Variants in LIN37 observed in about 807,000 individuals in gnomAD.
LIN37 encodes the protein lin-37 DREAM MuvB core complex component, also known as protein lin-37 homolog.
Under a neutral mutation model 38.0 loss-of-function variants are expected in LIN37, and 21 were observed. That is an observed-to-expected ratio of 0.55 (90% CI 0.39 to 0.80). LIN37 has a LOEUF of 0.80. Among genes scored for constraint, LIN37 ranks in the 30% least tolerant of loss-of-function variants. The probability of loss-of-function intolerance (pLI) is 0.00; values close to 1 mark genes in which losing one functional copy is unlikely to be tolerated. For missense variants in LIN37, 273 were observed against 338.5 expected, an observed-to-expected ratio of 0.81 and a Z score of 1.52; for synonymous variants, 126 against 122.9, an observed-to-expected ratio of 1.03 and a Z score of -0.17.
intron 6 of LIN37, 130 bp downstream of exon 6, chr19:35,753,383 C>A: frequency 8.9e-7 from 1 of 1,120,040 alleles, no homozygotes; most frequent in Non-Finnish European, 1.3e-6. Flanking sequence ...CTGGATCAGG[C>A]TAGGCACACA....
intron 3 of LIN37, 21 bp downstream of exon 3, chr19:35,752,505 T>A (rs568349364): frequency 1.2e-6 from 2 of 1,613,552 alleles, no homozygotes; most frequent in Admixed American, 3.3e-5. Flanking sequence ...CTGATTGGAT[T>A]TGGAGTTGAG....
At chr19:35,751,569 T>C (rs892342205) in intron 1 of LIN37, among the ~76,000 whole-genome samples, 37 of 151,982 alleles carry the variant, frequency 2.4e-4, no homozygotes, top group African/African-American at 8.4e-4. Context: ...CTCTATGGCA[T>C]GTGCCTATAG....
intron 1 of LIN37, among the ~76,000 whole-genome samples, chr19:35,749,443 A>G (rs577172218): frequency 7.2e-5 from 11 of 152,164 alleles, no homozygotes; most frequent in Non-Finnish European, 1.6e-4. Context: ...TGCAGAATTT[A>G]GACAGAAAGA....
At position 35,752,645 on chromosome 19, in the gene LIN37, G is replaced by T. The variant is rs1970694126; in HGVS notation, c.162-159G>T. The T allele has an allele frequency of 3.2e-6, 4 of 1,267,894 alleles. No homozygotes were observed. The South Asian group carries it at 5.2e-5, about 17-fold the overall frequency. 78.5% of individuals were successfully genotyped at this position (1,267,894 alleles called of 1,614,324 possible). A position where few individuals can be genotyped will look rare whatever the true frequency, so the allele number is the denominator to read the frequency against. ...CAGGAGAAGCTTAGGTCCCCCCGTGGTTGCCACCTAGACCCCCATGGGTAT... is the reference window on the plus strand; with the variant it reads ...CAGGAGAAGCTTAGGTCCCCCCGTGTTTGCCACCTAGACCCCCATGGGTAT... On this transcript the variant is annotated intron_variant, in intron 3 of 8. Transcript: ENST00000301159.
intron 1 of LIN37, chr19:35,749,017 C>G: frequency 7.8e-7 from 1 of 1,285,026 alleles, no homozygotes; most frequent in Non-Finnish European, 9.9e-7. Flanking sequence ...GCCGGTAACT[C>G]TGAGAAGGGC....
At chr19:35,749,515 T>A (rs1970651599) in intron 1 of LIN37, among the ~76,000 whole-genome samples, 1 of 151,442 alleles carries the variant, frequency 6.6e-6, no homozygotes, top group East Asian at 1.9e-4. Context: ...AGTGGGAGGC[T>A]GGGTGCGGTG....
rs765329144 is a variant in LIN37 at position 35,753,168 on chromosome 19, G to A, written c.359G>A (p.Arg120His). Residue 120 changes from arginine (R) to histidine (H), a missense_variant, in exon 6 of 9, where the codon CGC becomes CAC. Transcript: ENST00000301159. ...AACACGCCACTGTACCCAATCTGCC[G>A]CGCCTGGATGCGCAACAGCCCCTCT... is the stretch of plus-strand genomic sequence containing the variant. ...SENTPLYPIC[R>H]AWMRNSPSVR... 18 of 1,587,526 alleles carry A rather than the reference G, an allele frequency of 1.1e-5. No individual in the cohort carries two copies. Among genetic ancestry groups the A allele is most frequent in the Non-Finnish European group, 1.4e-5 (16 of 1,167,414 alleles).
At chr19:35,749,664 G>T (rs1184737389) in intron 1 of LIN37, among the ~76,000 whole-genome samples, 3 of 151,448 alleles carry the variant, frequency 2.0e-5, no homozygotes, top group Non-Finnish European at 2.9e-5. Flanking sequence ...AATTAGCCAG[G>T]TGTGGTGGCA....
intron 3 of LIN37, 101 bp from the exon 4 acceptor site, chr19:35,752,703 G>T: frequency 1.3e-6 from 2 of 1,488,036 alleles, no homozygotes; most frequent in African/African-American, 1.4e-5. Context: ...GGCAAGTGGG[G>T]TTCATGTGAG....
chr19:35,752,557 C>T (rs1196615264), intron 3 of LIN37, 73 bp downstream of exon 3: 13 of 1,511,944 alleles, frequency 8.6e-6, no homozygotes, highest in South Asian at 4.6e-5. Context: ...AAGCCCTGAC[C>T]GCTCAGCCCA....
chr19:35,748,708 G>T lies in LIN37; in HGVS notation c.-17G>T, dbSNP rs773190002. ...GGGGCGCCTCTGACCCAGCTAGCCA[G>T]ATCCCGGACCCAAACCATGTTCCCT... is the stretch of plus-strand genomic sequence containing the variant. On this transcript the variant is annotated 5_prime_UTR_variant, in exon 1 of 9. Coordinates refer to ENST00000301159, the MANE Select transcript of LIN37 (RefSeq NM_019104.3). 70 of 1,613,804 alleles carry T rather than the reference G, an allele frequency of 4.3e-5. No individual in the cohort carries two copies. The highest frequency in any genetic ancestry group is 5.8e-5 in the Non-Finnish European group (69 of 1,179,824).
rs1237152796 is a variant in LIN37, at chr19:35,754,270, T to TATCTATAGATGAGC, written c.610_611insATCTATAGATGAGC (p.Ser204TyrfsTer3). 6.2e-7 allele frequency: 1 copy of TATCTATAGATGAGC among 1,613,974 alleles called. No homozygotes were observed. The highest frequency in any genetic ancestry group is 8.5e-7 in the Non-Finnish European group (1 of 1,179,872). On this transcript the variant is annotated stop_gained and frameshift_variant, in exon 8 of 9. Coordinates refer to ENST00000301159, the MANE Select transcript of LIN37 (RefSeq NM_019104.3). LOFTEE classifies it high-confidence loss of function. ...GCCCTCTGAGCCCGAGCCCTCACCC[T>TATCTATAGATGAGC]CCACACTCATCTATCGCAACATGCA... is the stretch of plus-strand genomic sequence containing the variant.
At position 35,753,195 on chromosome 19, in the gene LIN37, T is replaced by C; in HGVS notation, c.386T>C (p.Val129Ala). 1 of 1,569,088 alleles carries C rather than the reference T, an allele frequency of 6.4e-7. No individual in the cohort carries two copies. The highest frequency in any genetic ancestry group is 8.6e-7 in the Non-Finnish European group (1 of 1,157,538). ...GCCTGGATGCGCAACAGCCCCTCTG[T>C]GCGCGAGCGTGAATGCTCTCCCAGC... ...CRAWMRNSPSVRERECSPSSP... is the reference protein window; with the variant it reads ...CRAWMRNSPSARERECSPSSP... Residue 129 changes from valine (V) to alanine (A), a missense_variant, in exon 6 of 9, where the codon GTG becomes GCG. Physicochemically the swap from Val to Ala is moderately conservative, Grantham distance 64. Transcript: ENST00000301159.
In LIN37 at chr19:35,752,134, G is replaced by A. The variant is rs776450687; in HGVS notation, c.35-42G>A. On this transcript the variant is annotated intron_variant, in intron 1 of 8. Transcript: ENST00000301159. ...GCCCAGTCAGCTGCCCACCTAGCTG[G>A]GGCCTGGGAGCTGACTCCTGCTGGG... 25 of 1,492,924 alleles carry A rather than the reference G, an allele frequency of 1.7e-5. No homozygotes were observed. The Admixed American group carries it at 3.1e-4, about 18-fold the overall frequency. 92.5% of individuals were successfully genotyped at this position (1,492,924 alleles called of 1,614,324 possible).
chr19:35,753,546 G>T, intron 6 of LIN37: 1 of 550,684 alleles, frequency 1.8e-6, no homozygotes, highest in East Asian at 3.2e-5. Context: ...GCTAGACAAG[G>T]GTCCTTAGTA....
Position 35,752,563 on chromosome 19 carries a change from G to A in LIN37, c.161+79G>A, listed in dbSNP as rs1264652543. On this transcript the variant is annotated intron_variant, in intron 3 of 8. Transcript: ENST00000301159. ...TCCTTATCCAAGCCCTGACCGCTCA[G>A]CCCAGCGCTACCTCCATCGTGGCCC... The A allele has an allele frequency of 6.1e-6, 9 of 1,478,150 alleles. No homozygotes were observed. The African/African-American group carries it at 1.1e-4, about 18-fold the overall frequency. 91.6% of individuals were successfully genotyped at this position (1,478,150 alleles called of 1,614,324 possible).
At chr19:35,754,205 C>G in intron 7 of LIN37, 41 bp from the exon 8 acceptor site, 5 of 1,613,964 alleles carry the variant, frequency 3.1e-6, no homozygotes, top group Non-Finnish European at 3.4e-6. Flanking sequence ...TGCGGTAGGG[C>G]TCAGGAATGG....
chr19:35,752,969 G>A lies in LIN37; in HGVS notation c.247G>A (p.Gly83Arg), dbSNP rs1379670338. ...RRKKRREMDD[G>R]LAEGGPQRSN... ...GAAGAAGAGGAGGGAGATGGATGAT[G>A]GGCTGGCTGAGGGAGGGCCGCAGCG... is the stretch of plus-strand genomic sequence containing the variant. The change falls in exon 5 of 9, where the codon GGG becomes AGG. Residue 83 changes from glycine (G) to arginine (R), a missense_variant. By Grantham distance (125) the Gly-to-Arg change is moderately radical. Coordinates refer to ENST00000301159, the MANE Select transcript of LIN37 (RefSeq NM_019104.3). 6.4e-7 allele frequency: 1 copy of A among 1,572,384 alleles called. No individual in the cohort carries two copies. Among genetic ancestry groups the A allele is most frequent in the Non-Finnish European group, 8.6e-7 (1 of 1,158,258 alleles).
At chr19:35,752,528 G>A (rs751214031) in intron 3 of LIN37, 44 bp downstream of exon 3, 2 of 1,602,830 alleles carry the variant, frequency 1.2e-6, no homozygotes, top group Admixed American at 1.7e-5. Context: ...TTCGTGGTTG[G>A]TAACTTCTTT....
Sources: allele counts gnomAD v4.1 joint callset (sites outside exome capture counted in the v4.1 genomes callset), GRCh38; gene constraint gnomAD v4.1.1; transcripts MANE v1.5; gene names NCBI Gene and HGNC (gene_info 2026-07-23, HGNC 2026-07-21).